CDH13: variants seen among roughly 807,000 people sequenced by gnomAD.
CDH13 encodes cadherin-13.
A neutral mutation model predicts 63.8 loss-of-function variants in CDH13; 24 were observed. The observed-to-expected ratio is 0.38, with a 90% CI of 0.27 to 0.53. CDH13 has a LOEUF of 0.53. Ranked by LOEUF, CDH13 falls within the 20% of genes least tolerant of loss-of-function variation. The probability of loss-of-function intolerance (pLI) is 0.85; values close to 1 mark genes in which losing one functional copy is unlikely to be tolerated. For missense variants in CDH13, 1,049 were observed against 903.1 expected, an observed-to-expected ratio of 1.16 and a Z score of -2.07; for synonymous variants, 503 against 355.3, an observed-to-expected ratio of 1.42 and a Z score of -4.67.
At chr16:82,950,643 A>G (rs1905197483) in intron 2 of CDH13, among the ~76,000 whole-genome samples, 1 of 152,134 alleles carries the variant, frequency 6.6e-6, no homozygotes, top group East Asian at 1.9e-4. Context: ...TCCATTAAAC[A>G]TCTTTTTCTT....
intron 2 of CDH13, among the ~76,000 whole-genome samples, chr16:82,985,589 A>G (rs1910835519): frequency 6.6e-6 from 1 of 152,146 alleles, no homozygotes; most frequent in Non-Finnish European, 1.5e-5. Context: ...GTTTAAGATC[A>G]CTTTTGCCAC....
chr16:83,035,445 G>A (rs563111255), intron 3 of CDH13, among the ~76,000 whole-genome samples: 8 of 152,314 alleles, frequency 5.3e-5, no homozygotes, highest in African/African-American at 1.2e-4. Context: ...GCTGACTCAC[G>A]TAACCTCCTT....
At chr16:83,633,910 G>A (rs1981864) in intron 8 of CDH13, among the ~76,000 whole-genome samples, 151,741 of 152,250 alleles carry the variant, frequency 1, 75,618 homozygotes, top group Middle Eastern at 1. Flanking sequence ...AAGCAACTTA[G>A]TTTCCTTATT....
intron 2 of CDH13, among the ~76,000 whole-genome samples, chr16:82,913,352 A>G (rs1238656982): frequency 6.6e-6 from 1 of 152,124 alleles, no homozygotes; most frequent in African/African-American, 2.4e-5. Context: ...CCACAGGAGC[A>G]TGTGTCGTTC....
intron 1 of CDH13, among the ~76,000 whole-genome samples, chr16:82,669,705 G>A (rs1359187466): frequency 1.3e-5 from 2 of 152,146 alleles, no homozygotes; most frequent in Non-Finnish European, 1.5e-5. Flanking sequence ...ATACAACTGT[G>A]CCCTCTAGAA....
intron 2 of CDH13, among the ~76,000 whole-genome samples, chr16:83,004,193 A>G (rs1567735069): frequency 6.6e-6 from 1 of 152,196 alleles, no homozygotes; most frequent in Non-Finnish European, 1.5e-5. Context: ...TACCGTGAGT[A>G]TCTGTGTTCC....
chr16:83,611,699 A>G (rs978580427), intron 8 of CDH13, among the ~76,000 whole-genome samples: 1 of 152,098 alleles, frequency 6.6e-6, no homozygotes, highest in African/African-American at 2.4e-5. Flanking sequence ...GTTGCATTAC[A>G]TAATATGTGC....
chr16:83,690,635 C>T (rs1904765661), intron 10 of CDH13, among the ~76,000 whole-genome samples: 1 of 152,014 alleles, frequency 6.6e-6, no homozygotes, highest in Non-Finnish European at 1.5e-5. Context: ...GTAGGGTAGC[C>T]ATAGTAATCC....
intron 5 of CDH13, among the ~76,000 whole-genome samples, chr16:83,267,508 G>T (rs1157746333): frequency 6.6e-6 from 1 of 152,154 alleles, no homozygotes; most frequent in Non-Finnish European, 1.5e-5. Context: ...CCACTGTGAT[G>T]ATATTAAGAG....
intron 2 of CDH13, among the ~76,000 whole-genome samples, chr16:82,959,420 C>G (rs929103282): frequency 6.6e-6 from 1 of 152,164 alleles, no homozygotes; most frequent in Non-Finnish European, 1.5e-5. Context: ...CTTAAAGCAA[C>G]CCATGGATGT....
At chr16:83,756,063 A>G (rs1381706992) in intron 11 of CDH13, among the ~76,000 whole-genome samples, 2 of 152,204 alleles carry the variant, frequency 1.3e-5, no homozygotes, top group Non-Finnish European at 2.9e-5. Context: ...TTAGACTCTA[A>G]TAAGTCAAGT....
At position 82,863,838 on chromosome 16, in the gene CDH13, G is replaced by T. The variant is rs1597835989; in HGVS notation, c.157+5365G>T. Among the ~76,000 whole-genome samples, 3 of 152,276 alleles carry T rather than the reference G, an allele frequency of 2.0e-5. No individual in the cohort carries two copies. The East Asian group carries it at 5.8e-4, about 29-fold the overall frequency. On this transcript the variant is annotated intron_variant, in intron 2 of 13. Coordinates refer to ENST00000567109, the MANE Select transcript of CDH13 (RefSeq NM_001257.5). ...CTAAAGCAGTGATTGTAGGGCATTTGAACTTCATGGACCAGTAATTTTTTT... is the reference window on the plus strand; with the variant it reads ...CTAAAGCAGTGATTGTAGGGCATTTTAACTTCATGGACCAGTAATTTTTTT...
intron 2 of CDH13, among the ~76,000 whole-genome samples, chr16:82,986,274 T>C (rs1910925986): frequency 6.6e-6 from 1 of 152,238 alleles, no homozygotes; most frequent in African/African-American, 2.4e-5. Flanking sequence ...GCAACCAGAG[T>C]GAGCCCCAGA....
intron 6 of CDH13, among the ~76,000 whole-genome samples, chr16:83,424,845 G>T (rs1203748539): frequency 6.6e-6 from 1 of 152,136 alleles, no homozygotes; most frequent in Non-Finnish European, 1.5e-5. Flanking sequence ...TTCGCAGCTT[G>T]TGCACTCTCC....
rs1917870961 is a variant in CDH13, at chr16:83,047,185, C to G, written c.366+14967C>G. 1.3e-5 allele frequency among the ~76,000 whole-genome samples: 2 copies of G among 152,212 alleles called. No homozygotes were observed. Among genetic ancestry groups the G allele is most frequent in the Non-Finnish European group, 2.9e-5 (2 of 68,042 alleles). The stretch of plus-strand genomic sequence containing the variant: ...GAAAGGTCTGCAGACTATAAGCAGA[C>G]TTTATCTGAAGACCACCTCCTGCCC... On this transcript the variant is annotated intron_variant, in intron 3 of 13. Transcript: ENST00000567109. The surrounding 1 kb of genome is among the most constrained non-coding windows in gnomAD (Gnocchi z 4.9).
chr16:82,805,036 A>T (rs934899232), intron 1 of CDH13, among the ~76,000 whole-genome samples: 3 of 152,224 alleles, frequency 2.0e-5, no homozygotes, highest in Non-Finnish European at 4.4e-5. Flanking sequence ...AAGGAAAAGC[A>T]TGAAGATAAG....
chr16:82,707,916 C>G (rs889086192), intron 1 of CDH13, among the ~76,000 whole-genome samples: 1 of 151,668 alleles, frequency 6.6e-6, no homozygotes, highest in Non-Finnish European at 1.5e-5. Context: ...CAAAGAGACT[C>G]CCAAATCCAA....
At chr16:82,902,940 G>C (rs1259551244) in intron 2 of CDH13, among the ~76,000 whole-genome samples, 2 of 152,206 alleles carry the variant, frequency 1.3e-5, no homozygotes, top group African/African-American at 4.8e-5. Flanking sequence ...GAAGCTCTAA[G>C]AGTTGGAATC....
chr16:82,728,536 T>G (rs1166924987), intron 1 of CDH13, among the ~76,000 whole-genome samples: 4 of 152,192 alleles, frequency 2.6e-5, no homozygotes, highest in Non-Finnish European at 5.9e-5. Context: ...CTAAAACGTG[T>G]GCATACCTTA....
Sources: allele counts gnomAD v4.1 joint callset (sites outside exome capture counted in the v4.1 genomes callset), GRCh38; gene constraint gnomAD v4.1.1; non-coding constraint Gnocchi (gnomAD v3.1); transcripts MANE v1.5; gene names NCBI Gene and HGNC (gene_info 2026-07-23, HGNC 2026-07-21).